KCNG2: variants seen among roughly 807,000 people sequenced by gnomAD.
KCNG2 encodes the protein potassium voltage-gated channel modifier subfamily G member 2, also known as voltage-gated potassium channel regulatory subunit KCNG2.
In KCNG2, 7 loss-of-function variants were observed where a neutral mutation model predicts 12.3. That is an observed-to-expected ratio of 0.57 (90% CI 0.32 to 1.07). The LOEUF (loss-of-function observed/expected upper bound fraction) is 1.07, where lower values mean the gene tolerates loss of function less well. Among genes scored for constraint, KCNG2 ranks in the 50% least tolerant of loss-of-function variants. KCNG2 has a pLI of 0.04. For synonymous variants in KCNG2, 414 were observed against 351.4 expected, an observed-to-expected ratio of 1.18 and a Z score of -1.99; for missense variants, 703 against 726.0, an observed-to-expected ratio of 0.97 and a Z score of 0.36.
intron 2 of KCNG2, among the ~76,000 whole-genome samples, chr18:79,861,100 T>C (rs1479594740): frequency 6.6e-6 from 1 of 152,200 alleles, no homozygotes; most frequent in Admixed American, 6.5e-5. Context: ...CTTCATCCTA[T>C]AAATGAGCGT....
At chr18:79,817,609 T>C (rs1445392677) in intron 1 of KCNG2, among the ~76,000 whole-genome samples, 1 of 152,206 alleles carries the variant, frequency 6.6e-6, no homozygotes, top group African/African-American at 2.4e-5. Context: ...CACCTGGCTG[T>C]CACACACGCG....
At chr18:79,845,584 A>G (rs948801217) in intron 1 of KCNG2, among the ~76,000 whole-genome samples, 1 of 152,228 alleles carries the variant, frequency 6.6e-6, no homozygotes, top group Non-Finnish European at 1.5e-5. Context: ...TGTGTATTAT[A>G]GACTTGGAGA....
chr18:79,828,765 G>A (rs527822061), intron 1 of KCNG2, among the ~76,000 whole-genome samples: 86 of 136,128 alleles, frequency 6.3e-4, no homozygotes, highest in African/African-American at 1.8e-3. Context: ...CTATGTGTGC[G>A]TGTGTGTAAC....
chr18:79,892,596 A>G (rs1485254125), intron 3 of KCNG2, among the ~76,000 whole-genome samples: 2 of 151,910 alleles, frequency 1.3e-5, no homozygotes, highest in African/African-American at 2.4e-5. Flanking sequence ...AACAATTGAT[A>G]TAGTTGGGTC....
Position 79,899,878 on chromosome 18 carries a change from G to A in KCNG2, c.*62G>A. On this transcript the variant is annotated 3_prime_UTR_variant, in exon 4 of 4. Coordinates refer to ENST00000316249, the MANE Select transcript of KCNG2 (RefSeq NM_012283.2). ...CCAGCTGCAGCGTCGGGACCCCCGA[G>A]GTGCGCCAAGGGGTGGGGGGCGTCT... 1 of 1,277,008 alleles carries A rather than the reference G, an allele frequency of 7.8e-7. No individual in the cohort carries two copies. The highest frequency in any genetic ancestry group is 9.9e-7 in the Non-Finnish European group (1 of 1,010,060). 79.1% of individuals were successfully genotyped at this position (1,277,008 alleles called of 1,614,324 possible).
chr18:79,883,171 A>G (rs1197269667), intron 3 of KCNG2, among the ~76,000 whole-genome samples: 1 of 149,704 alleles, frequency 6.7e-6, no homozygotes, highest in African/African-American at 2.4e-5. Context: ...GACGCGGGAG[A>G]GGCCAGGCCA....
At position 79,882,777 on chromosome 18, in the gene KCNG2, A is replaced by AGCGCGGAGGCCGGGTACG. The variant is rs1568269726; in HGVS notation, c.625-16263_625-16262insGCGCGGAGGCCGGGTACG. Among the ~76,000 whole-genome samples the AGCGCGGAGGCCGGGTACG allele has an allele frequency of 6.8e-3, 885 of 129,422 alleles. 64 individuals are homozygous for AGCGCGGAGGCCGGGTACG. The highest frequency in any genetic ancestry group is 0.01 in the Non-Finnish European group (559 of 54,154). 84.9% of individuals were successfully genotyped at this position (129,422 alleles called of 152,430 possible). A position where few individuals can be genotyped will look rare whatever the true frequency, so the allele number is the denominator to read the frequency against. ...GCCGTGGAGCGCGGAGGCCGGGTAC[A>AGCGCGGAGGCCGGGTACG]CCTGCGCGTGGAGCGCGGAGGCCGG... On this transcript the variant is annotated intron_variant, in intron 3 of 3. Transcript: ENST00000316249.
chr18:79,895,567 A>G (rs1431283422), intron 3 of KCNG2, among the ~76,000 whole-genome samples: 2 of 151,890 alleles, frequency 1.3e-5, no homozygotes, highest in African/African-American at 4.8e-5. Flanking sequence ...TATGATTGAT[A>G]TAGTTGGGTC....
At chr18:79,882,410 G>A (rs1255675299) in intron 3 of KCNG2, among the ~76,000 whole-genome samples, 1 of 152,196 alleles carries the variant, frequency 6.6e-6, no homozygotes, top group Non-Finnish European at 1.5e-5. Context: ...ACAAGCCTCA[G>A]ACTGGGAGAA....
At chr18:79,860,075 G>C (rs568937346) in intron 2 of KCNG2, among the ~76,000 whole-genome samples, 9 of 152,322 alleles carry the variant, frequency 5.9e-5, no homozygotes, top group African/African-American at 2.2e-4. Context: ...AGCAAAGGGG[G>C]AGCAGGCACG....
At chr18:79,828,541 G>A (rs1599375881) in intron 1 of KCNG2, among the ~76,000 whole-genome samples, 1 of 152,036 alleles carries the variant, frequency 6.6e-6, no homozygotes, top group Non-Finnish European at 1.5e-5. Context: ...ATGTCTGTGT[G>A]TGCATCTGTG....
chr18:79,840,834 T>C (rs370408314), intron 1 of KCNG2, among the ~76,000 whole-genome samples: 39 of 152,152 alleles, frequency 2.6e-4, no homozygotes, highest in African/African-American at 9.4e-4. Context: ...AGTGATTCAG[T>C]AAAGTAAATA....
At chr18:79,880,045 TGAACGC>T (rs1295362797) in intron 3 of KCNG2, among the ~76,000 whole-genome samples, 1 of 152,152 alleles carries the variant, frequency 6.6e-6, no homozygotes, top group Non-Finnish European at 1.5e-5. Context: ...CTTAACACTG[TGAACGC>T]GCATGAGTTA....
In KCNG2 at chr18:79,899,209, C is replaced by A. The variant is rs756789528; in HGVS notation, c.794C>A (p.Ser265Ter). 1 of 1,603,118 alleles carries A rather than the reference C, an allele frequency of 6.2e-7. No individual in the cohort carries two copies. Among genetic ancestry groups the A allele is most frequent in the Non-Finnish European group, 8.5e-7 (1 of 1,179,348 alleles). Reference sequence around the variant, plus strand: ...CTGGCGCTCCTGCCGTTCTACGTGTCGCTGCTGCTGGGGCTGGCGGCAGGC... The same window carrying A: ...CTGGCGCTCCTGCCGTTCTACGTGTAGCTGCTGCTGGGGCTGGCGGCAGGC... ...DILALLPFYVSLLLGLAAGPG... is the reference protein window; with the variant it reads ...DILALLPFYV Residue 265 changes from serine (S) to a stop codon, truncating the protein, a stop_gained, in exon 4 of 4, where the codon TCG becomes TAG. Transcript: ENST00000316249. LOFTEE classifies it low-confidence loss of function (END_TRUNC).
intron 1 of KCNG2, among the ~76,000 whole-genome samples, chr18:79,828,268 T>C (rs1599375507): frequency 1.3e-5 from 2 of 152,390 alleles, no homozygotes; most frequent in East Asian, 3.9e-4. Context: ...GTAGGAATAC[T>C]TAAAGACATG....
chr18:79,832,375 A>C (rs1278422190), intron 1 of KCNG2, among the ~76,000 whole-genome samples: 5 of 124,270 alleles, frequency 4.0e-5, no homozygotes, highest in African/African-American at 9.6e-5. Flanking sequence ...CCTCACCTGC[A>C]CTCACCTGCC....
intron 1 of KCNG2, among the ~76,000 whole-genome samples, chr18:79,841,120 A>C (rs1237683617): frequency 2.0e-5 from 3 of 152,106 alleles, no homozygotes; most frequent in African/African-American, 7.2e-5. Flanking sequence ...AAGAAAAAAA[A>C]GTCAGCCAGG....
chr18:79,799,753 T>C (rs1443791404), intron 1 of KCNG2, among the ~76,000 whole-genome samples: 3 of 152,242 alleles, frequency 2.0e-5, no homozygotes, highest in Non-Finnish European at 4.4e-5. Context: ...CTGCTCAGCT[T>C]TCCCTTTTCA....
rs974166789 is a variant in KCNG2, at chr18:79,864,053, A to C, written c.386A>C (p.Glu129Ala). 5 of 1,110,810 alleles carry C rather than the reference A, an allele frequency of 4.5e-6. No homozygotes were observed. Among genetic ancestry groups the C allele is most frequent in the Admixed American group, 5.2e-5 (1 of 19,242 alleles). 68.8% of individuals were successfully genotyped at this position (1,110,810 alleles called of 1,614,324 possible). ...CLRRLRRREE[E>A]AAEARAGPTE... ...CGCCGCCTGCGCCGCCGCGAGGAGG[A>C]GGCGGCCGAGGCCCGCGCGGGGCCG... is the stretch of plus-strand genomic sequence containing the variant. The change falls in exon 3 of 4, where the codon GAG (glutamate) becomes GCG (alanine). Residue 129 changes from glutamate (E) to alanine (A), a missense_variant. Physicochemically the swap from Glu to Ala is moderately radical, Grantham distance 107. Transcript: ENST00000316249.
Sources: allele counts gnomAD v4.1 joint callset (sites outside exome capture counted in the v4.1 genomes callset), GRCh38; gene constraint gnomAD v4.1.1; transcripts MANE v1.5; gene names NCBI Gene and HGNC (gene_info 2026-07-23, HGNC 2026-07-21).